EPX: variants seen among roughly 807,000 people sequenced by gnomAD.
The protein encoded by EPX is eosinophil peroxidase.
A neutral mutation model predicts 73.0 loss-of-function variants in EPX; 60 were observed. The ratio of observed to expected loss-of-function variants is 0.82; its 90% CI spans 0.67 to 1.02. EPX has a LOEUF of 1.02. EPX is among the 50% of genes least tolerant of loss of function. The probability of loss-of-function intolerance (pLI) is 0.00; values close to 1 mark genes in which losing one functional copy is unlikely to be tolerated. For synonymous variants in EPX, 347 were observed against 389.2 expected, an observed-to-expected ratio of 0.89 and a Z score of 1.28; for missense variants, 950 against 973.9, an observed-to-expected ratio of 0.98 and a Z score of 0.33.
At chr17:58,200,489 A>T in intron 10 of EPX, 94 bp downstream of exon 10, 1 of 1,310,644 alleles carries the variant, frequency 7.6e-7, no homozygotes, top group Non-Finnish European at 1.1e-6. Flanking sequence ...TCTGACTGGG[A>T]CTGTCTACAG....
intron 6 of EPX, among the ~76,000 whole-genome samples, chr17:58,195,682 GCACACACACACTCTCT>G (rs1251104286): frequency 6.6e-6 from 1 of 150,782 alleles, no homozygotes; most frequent in Admixed American, 6.6e-5. Context: ...TGACACACGT[GCACACACACACTCTCT>G]CACACACACA....
rs144622570 is a variant in EPX, at chr17:58,202,218, G to C, written c.1709-863G>C. ...TTCCGCTGGGGGATGGTGTGTGTGA[G>C]CTGTAGTTCAATGGATGACGTTGGG... On this transcript the variant is annotated intron_variant, in intron 10 of 12. Coordinates refer to ENST00000225371, the MANE Select transcript of EPX (RefSeq NM_000502.6). 1.6e-3 allele frequency: 238 copies of C among 152,472 alleles called. 1 individual carries two copies. Among genetic ancestry groups the C allele is most frequent in the Non-Finnish European group, 2.7e-3 (187 of 68,122 alleles). The allele number at this position is 152,472 out of a possible 1,614,324, so 9.4% of individuals were successfully genotyped here.
intron 8 of EPX, 74 bp downstream of exon 8, chr17:58,199,274 C>A (rs563869027): frequency 5.4e-6 from 8 of 1,494,516 alleles, no homozygotes; most frequent in South Asian, 4.6e-5. Flanking sequence ...CACATCCTTG[C>A]GGATGTGCCT....
chr17:58,203,753 A>C lies in EPX; in HGVS notation c.1946+435A>C, dbSNP rs553028326. Among the ~76,000 whole-genome samples the C allele has an allele frequency of 2.5e-3, 382 of 151,578 alleles. 1 individual carries two copies. The highest frequency in any genetic ancestry group is 8.9e-3 in the African/African-American group (369 of 41,270). ...CGAGACCATCCCGGCTAAAACGGTGAAACCCCGTCTCTACTAAAAATACAA... is the reference window on the plus strand; with the variant it reads ...CGAGACCATCCCGGCTAAAACGGTGCAACCCCGTCTCTACTAAAAATACAA... On this transcript the variant is annotated intron_variant, in intron 11 of 12. Transcript: ENST00000225371.
chr17:58,197,174 G>A lies in EPX; in HGVS notation c.1037G>A (p.Arg346Gln), dbSNP rs539491017. 1.7e-5 allele frequency: 27 copies of A among 1,613,976 alleles called. No homozygotes were observed. Among genetic ancestry groups the A allele is most frequent in the Admixed American group, 6.7e-5 (4 of 60,024 alleles). ...AACCAGCGCTTTCAAGACAACGGCC[G>A]GGCCCTGCTGCCCTTCGACAACCTG... is the stretch of plus-strand genomic sequence containing the variant. ...AINQRFQDNG[R>Q]ALLPFDNLHD... The change falls in exon 7 of 13, where the codon CGG becomes CAG. Residue 346 changes from arginine to glutamine, a missense_variant. Arg to Gln is a conservative substitution (Grantham distance 43). Coordinates refer to ENST00000225371, the MANE Select transcript of EPX (RefSeq NM_000502.6).
rs773123837 is a variant in EPX at position 58,199,625 on chromosome 17, C to T, written c.1368C>T (p.Ser456=). ...RTLGHYRGYC[S]NVDPRVANVF... is the part of the protein sequence containing the mutation. ...TGGGGCACTACAGGGGGTACTGCTCCAATGTGGACCCACGGGTGGCCAATG... is the reference window on the plus strand; with the variant it reads ...TGGGGCACTACAGGGGGTACTGCTCTAATGTGGACCCACGGGTGGCCAATG... The change falls in exon 9 of 13, where the codon TCC becomes TCT. Residue 456 remains serine (S), a synonymous_variant. Transcript: ENST00000225371. 3.7e-6 allele frequency: 6 copies of T among 1,614,102 alleles called. No homozygotes were observed. The highest frequency in any genetic ancestry group is 4.2e-6 in the Non-Finnish European group (5 of 1,180,040).
intron 6 of EPX, 144 bp downstream of exon 6, chr17:58,195,314 A>C: frequency 1.4e-6 from 1 of 739,244 alleles, no homozygotes; most frequent in Non-Finnish European, 2.4e-6. Flanking sequence ...CACAAGAAAC[A>C]CAGCTGAGCA....
chr17:58,195,138 T>G lies in EPX; in HGVS notation c.769T>G (p.Cys257Gly). ...FTAGVDCERTCAQLPPCFPIK... is the reference protein window; with the variant it reads ...FTAGVDCERTGAQLPPCFPIK... The stretch of plus-strand genomic sequence containing the variant: ...TGCAGGCGTTGACTGTGAGAGGACC[T>G]GCGCCCAGCTGCCCCCCTGCTTTCC... Residue 257 changes from cysteine to glycine, a missense_variant, in exon 6 of 13, where the codon TGC becomes GGC. By Grantham distance (159) the Cys-to-Gly change is radical. Transcript: ENST00000225371. 1 of 1,614,062 alleles carries G rather than the reference T, an allele frequency of 6.2e-7. No individual in the cohort carries two copies. Among genetic ancestry groups the G allele is most frequent in the Non-Finnish European group, 8.5e-7 (1 of 1,179,940 alleles).
rs1968223892 is a variant in EPX, at chr17:58,194,240, G to C, written c.594+148G>C. On this transcript the variant is annotated intron_variant, in intron 5 of 12. Transcript: ENST00000225371. ...TGAGGCAAATAACACAGCTTTCTGA[G>C]GCTTAGTTTCCTCATCTGTAAAATG... is the stretch of plus-strand genomic sequence containing the variant. 1.1e-5 allele frequency: 9 copies of C among 813,690 alleles called. No homozygotes were observed. The South Asian group carries it at 1.4e-4, about 12-fold the overall frequency. 50.4% of individuals were successfully genotyped at this position (813,690 alleles called of 1,614,324 possible).
chr17:58,200,284 G>T lies in EPX; in HGVS notation c.1597G>T (p.Asp533Tyr). 1 of 1,614,238 alleles carries T rather than the reference G, an allele frequency of 6.2e-7. No homozygotes were observed. Among genetic ancestry groups the T allele is most frequent in the South Asian group, 1.1e-5 (1 of 91,086 alleles). ...MATPAKLNRQ[D>Y]AMLVDELRDR... ...CACCCCTGCCAAGCTGAACCGTCAG[G>T]ATGCCATGTTAGTGGATGAGCTCCG... The change falls in exon 10 of 13, where the codon GAT becomes TAT. Residue 533 changes from aspartate to tyrosine, a missense_variant. Asp to Tyr is a radical substitution (Grantham distance 160). Coordinates refer to ENST00000225371, the MANE Select transcript of EPX (RefSeq NM_000502.6).
intron 6 of EPX, among the ~76,000 whole-genome samples, chr17:58,195,682 GCACACACACACTCTCTCA>G (rs1180139972): frequency 1.3e-5 from 2 of 150,782 alleles, no homozygotes; most frequent in African/African-American, 5.0e-5. Context: ...TGACACACGT[GCACACACACACTCTCTCA>G]CACACACACA....
chr17:58,203,398 G>A (rs1338639374), intron 11 of EPX, 80 bp downstream of exon 11: 1 of 930,232 alleles, frequency 1.1e-6, no homozygotes, highest in African/African-American at 1.6e-5. Flanking sequence ...AAACATTGAA[G>A]AACACTGCTC....
rs762317706 is a variant in EPX, at chr17:58,199,811, G to A, written c.1537+17G>A. 1 of 1,608,656 alleles carries A rather than the reference G, an allele frequency of 6.2e-7. No homozygotes were observed. The highest frequency in any genetic ancestry group is 8.5e-7 in the Non-Finnish European group (1 of 1,175,872). On this transcript the variant is annotated intron_variant, in intron 9 of 12. Coordinates refer to ENST00000225371, the MANE Select transcript of EPX (RefSeq NM_000502.6). ...TGTATGAAGGTGACCAGGTTTTCCA[G>A]GGGGCAAATGGGGGTGAGGGTGGGG...
intron 10 of EPX, 130 bp from the exon 11 acceptor site, chr17:58,202,951 T>C (rs961266631): frequency 6.8e-6 from 5 of 733,240 alleles, no homozygotes; most frequent in Non-Finnish European, 1.2e-5. Context: ...GGGACTCTTC[T>C]GCCAGCAGGA....
Position 58,204,366 on chromosome 17 carries a change from C to T in EPX, c.2091C>T (p.Gly697=), listed in dbSNP as rs1567791642. 27 of 1,614,118 alleles carry T rather than the reference C, an allele frequency of 1.7e-5. No individual in the cohort carries two copies. The highest frequency in any genetic ancestry group is 2.3e-5 in the Non-Finnish European group (27 of 1,179,966). Residue 697 remains glycine (G), a synonymous_variant, in exon 12 of 13, where the codon GGC becomes GGT. Coordinates refer to ENST00000225371, the MANE Select transcript of EPX (RefSeq NM_000502.6). ...TCAGAGCCAACATCTACCCTCGGGG[C>T]TTTGTGAACTGCAGCCGTATCCCCA... is the stretch of plus-strand genomic sequence containing the variant. The part of the protein sequence containing the change: ...DIFRANIYPR[G]FVNCSRIPRL...
chr17:58,203,520 G>C (rs1968372000), intron 11 of EPX, among the ~76,000 whole-genome samples: 1 of 152,194 alleles, frequency 6.6e-6, no homozygotes, highest in Non-Finnish European at 1.5e-5. Flanking sequence ...CATATTGCCT[G>C]AGCTGGAGTC....
chr17:58,199,723 G>C lies in EPX; in HGVS notation c.1466G>C (p.Arg489Pro), dbSNP rs370170164. The change falls in exon 9 of 13, where the codon CGG becomes CCG. Residue 489 changes from arginine to proline, a missense_variant. By Grantham distance (103) the Arg-to-Pro change is moderately radical. Transcript: ENST00000225371. ...ATGTTCCGCTTGGACAGTCAGTACCGGGCCTCCGCACCCAACTCGCATGTC... is the reference window on the plus strand; with the variant it reads ...ATGTTCCGCTTGGACAGTCAGTACCCGGCCTCCGCACCCAACTCGCATGTC... ...PFMFRLDSQY[R>P]ASAPNSHVPL... is the part of the protein sequence containing the mutation. 1 of 1,614,206 alleles carries C rather than the reference G, an allele frequency of 6.2e-7. No individual in the cohort carries two copies.
In EPX at chr17:58,199,649, T is replaced by C. The variant is rs756609688; in HGVS notation, c.1392T>C (p.Asn464=). 6.2e-7 allele frequency: 1 copy of C among 1,614,102 alleles called. No homozygotes were observed. Among genetic ancestry groups the C allele is most frequent in the African/African-American group, 1.3e-5 (1 of 74,936 alleles). Residue 464 remains asparagine (N), a synonymous_variant, in exon 9 of 13, where the codon AAT becomes AAC. Transcript: ENST00000225371. ...CCAATGTGGACCCACGGGTGGCCAATGTCTTCACCCTGGCCTTCCGCTTTG... is the reference window on the plus strand; with the variant it reads ...CCAATGTGGACCCACGGGTGGCCAACGTCTTCACCCTGGCCTTCCGCTTTG... ...YCSNVDPRVA[N]VFTLAFRFGH...
intron 7 of EPX, among the ~76,000 whole-genome samples, chr17:58,198,254 C>T (rs1174152409): frequency 1.3e-5 from 2 of 151,148 alleles, no homozygotes; most frequent in Admixed American, 1.3e-4. Context: ...AATCATGCGC[C>T]CAAGAGCACA....
Sources: allele counts gnomAD v4.1 joint callset (sites outside exome capture counted in the v4.1 genomes callset), GRCh38; gene constraint gnomAD v4.1.1; transcripts MANE v1.5; gene names NCBI Gene and HGNC (gene_info 2026-07-23, HGNC 2026-07-21).